Variants in SRCIN1 observed in about 807,000 individuals in gnomAD.
The protein encoded by SRCIN1 is P130Cas-associated protein.
SRCIN1 carries 50 observed loss-of-function variants against 116.2 expected under a neutral mutation model. The ratio of observed to expected loss-of-function variants is 0.43; its 90% confidence interval spans 0.34 to 0.54. SRCIN1 has a LOEUF of 0.54. Among genes scored for constraint, SRCIN1 ranks in the 20% least tolerant of loss-of-function variants. SRCIN1 has a pLI of 0.02. For synonymous variants in SRCIN1, 736 were observed against 750.0 expected, an observed-to-expected ratio of 0.98 and a Z score of 0.30; for missense variants, 1,446 against 1,672.0, an observed-to-expected ratio of 0.86 and a Z score of 2.36.
intron 14 of SRCIN1, 75 bp from the exon 15 acceptor site, chr17:38,551,464 C>G (rs933756574): frequency 3.9e-6 from 5 of 1,273,144 alleles, no homozygotes; most frequent in African/African-American, 1.5e-5. Flanking sequence ...GCCTCCTCCC[C>G]CAAGCCACGT....
intron 17 of SRCIN1, among the ~76,000 whole-genome samples, chr17:38,545,948 A>G (rs1345818801): frequency 6.6e-6 from 1 of 152,236 alleles, no homozygotes; most frequent in Non-Finnish European, 1.5e-5. Flanking sequence ...ATCTCAAACC[A>G]GAGACTTCTG....
intron 1 of SRCIN1, among the ~76,000 whole-genome samples, chr17:38,595,582 G>T (rs1351685716): frequency 3.9e-5 from 6 of 152,166 alleles, no homozygotes; most frequent in African/African-American, 1.4e-4. Context: ...TAAATGAAAC[G>T]AGATCACAAG....
chr17:38,554,330 G>A (rs1445829053), intron 11 of SRCIN1, among the ~76,000 whole-genome samples: 1 of 152,168 alleles, frequency 6.6e-6, no homozygotes, highest in Non-Finnish European at 1.5e-5. Flanking sequence ...TGTTTTCCGT[G>A]CTGCTGTAAC....
intron 2 of SRCIN1, among the ~76,000 whole-genome samples, chr17:38,577,189 G>C (rs1907469706): frequency 6.6e-6 from 1 of 152,146 alleles, no homozygotes; most frequent in South Asian, 2.1e-4. Context: ...GCCTGCCTAT[G>C]ATCTTCCCTC....
Position 38,548,852 on chromosome 17 carries a change from A to G in SRCIN1, c.3118-143T>C, listed in dbSNP as rs1317050472. ...CCCCTGCCAGGGTGTCCCTCAACAG[A>G]CAGGGGCCTGGCATGGAATTAAGGC... On this transcript the variant is annotated intron_variant, in intron 16 of 18. Coordinates refer to ENST00000617146, the MANE Select transcript of SRCIN1 (RefSeq NM_025248.3). 2.3e-6 allele frequency: 3 copies of G among 1,318,734 alleles called. No homozygotes were observed. In the African/African-American group the frequency reaches 4.5e-5, roughly 20 times the overall value. The allele number at this position is 1,318,734 out of a possible 1,614,324, so 81.7% of individuals were successfully genotyped here.
intron 10 of SRCIN1, 32 bp downstream of exon 10, chr17:38,559,553 T>C (rs777757928): frequency 1.9e-6 from 3 of 1,586,358 alleles, no homozygotes; most frequent in Non-Finnish European, 2.6e-6. Context: ...TAGGTGGGCG[T>C]TGGTGGGGCG....
intron 2 of SRCIN1, among the ~76,000 whole-genome samples, chr17:38,570,030 G>A (rs1906974334): frequency 6.6e-6 from 1 of 152,118 alleles, no homozygotes; most frequent in South Asian, 2.1e-4. Context: ...CCAGGCACGG[G>A]CGGCGCACAC....
intron 11 of SRCIN1, among the ~76,000 whole-genome samples, chr17:38,557,533 C>T (rs889580290): frequency 3.3e-5 from 5 of 152,252 alleles, no homozygotes; most frequent in African/African-American, 1.2e-4. Context: ...TGGGTGCTCA[C>T]TCCCTGAATG....
chr17:38,578,885 C>G (rs1907612102), intron 1 of SRCIN1, 94 bp from the exon 2 acceptor site: 1 of 1,393,222 alleles, frequency 7.2e-7, no homozygotes, highest in South Asian at 1.5e-5. Flanking sequence ...GGGGCGGGGC[C>G]TGGGCCTAAG....
intron 11 of SRCIN1, among the ~76,000 whole-genome samples, chr17:38,554,422 A>G (rs756474539): frequency 6.6e-6 from 1 of 151,904 alleles, no homozygotes; most frequent in Non-Finnish European, 1.5e-5. Context: ...GGCTCTTTAT[A>G]ATGCTGTTTT....
At position 38,568,270 on chromosome 17, in the gene SRCIN1, G is replaced by A; in HGVS notation, c.325-39C>T. On this transcript the variant is annotated intron_variant, in intron 2 of 18. Transcript: ENST00000617146. This position sits in a 1 kb window ranked among gnomAD's most constrained non-coding sequence, Gnocchi z 4.5. ...TAAGAGAAGAGATGGTTATGAGGGG[G>A]CCCAGGAGGGGAAAAGAGGGGCAGG... is the stretch of plus-strand genomic sequence containing the variant. 6.2e-7 allele frequency: 1 copy of A among 1,608,116 alleles called. No homozygotes were observed. The highest frequency in any genetic ancestry group is 8.5e-7 in the Non-Finnish European group (1 of 1,176,944).
At chr17:38,581,221 A>G (rs986370569) in intron 1 of SRCIN1, among the ~76,000 whole-genome samples, 2 of 152,268 alleles carry the variant, frequency 1.3e-5, no homozygotes, top group African/African-American at 4.8e-5. Flanking sequence ...CCTGACCAAC[A>G]TAGTGAAACC....
rs73982819 is a variant in SRCIN1, at chr17:38,533,149, C to T, written c.*148G>A. On this transcript the variant is annotated 3_prime_UTR_variant, in exon 19 of 19. Coordinates refer to ENST00000617146, the MANE Select transcript of SRCIN1 (RefSeq NM_025248.3). ...ACACCAACAGATGATGGGTAGGGGT[C>T]GCTGAGGAGGGCCGCACCCTCCTCT... is the stretch of plus-strand genomic sequence containing the variant. 2.1e-4 allele frequency: 154 copies of T among 717,240 alleles called. 2 individuals carry two copies. Among genetic ancestry groups the T allele is most frequent in the Admixed American group, 2.7e-4 (6 of 22,466 alleles). 44.4% of individuals were successfully genotyped at this position (717,240 alleles called of 1,614,324 possible). A position where few individuals can be genotyped will look rare whatever the true frequency, so the allele number is the denominator to read the frequency against.
At chr17:38,545,446 G>C (rs1158976034) in intron 17 of SRCIN1, 2 of 152,846 alleles carry the variant, frequency 1.3e-5, no homozygotes, top group Non-Finnish European at 2.9e-5. Context: ...GAAGGCCCTG[G>C]GACCTGGGGC....
intron 1 of SRCIN1, among the ~76,000 whole-genome samples, chr17:38,597,317 G>A (rs1393734881): frequency 6.6e-6 from 1 of 152,230 alleles, no homozygotes; most frequent in African/African-American, 2.4e-5. Context: ...CTAAGTGGCA[G>A]CTCCAGGGGC....
At chr17:38,537,616 C>T (rs561164569) in intron 18 of SRCIN1, among the ~76,000 whole-genome samples, 1 of 151,686 alleles carries the variant, frequency 6.6e-6, no homozygotes, top group Admixed American at 6.6e-5. Context: ...AGGGTGAAAC[C>T]CTGTCTCTAC....
At position 38,531,102 on chromosome 17, in the gene SRCIN1, C is replaced by CA. The variant is rs1272481160; in HGVS notation, c.*2194dup. 2 of 152,674 alleles carry CA rather than the reference C, an allele frequency of 1.3e-5. No individual in the cohort carries two copies. The highest frequency in any genetic ancestry group is 2.4e-5 in the African/African-American group (1 of 41,466). 9.5% of individuals were successfully genotyped at this position (152,674 alleles called of 1,614,324 possible). A position where few individuals can be genotyped will look rare whatever the true frequency, so the allele number is the denominator to read the frequency against. On this transcript the variant is annotated 3_prime_UTR_variant, in exon 19 of 19. Coordinates refer to ENST00000617146, the MANE Select transcript of SRCIN1 (RefSeq NM_025248.3). ...CTTCGTGGATGGACACTGCCCCCCC[C>CA]ACCTCCCCCACAAAGGGACATTCAA...
rs549635894 is a variant in SRCIN1 at position 38,598,049 on chromosome 17, G to A, written c.22+7635C>T. Reference sequence around the variant, plus strand: ...GGAAGCCCCGCACAAGCCCCTTCACGTTTTACCAACCAGAAGTTCCCATAG... The same window carrying A: ...GGAAGCCCCGCACAAGCCCCTTCACATTTTACCAACCAGAAGTTCCCATAG... On this transcript the variant is annotated intron_variant, in intron 1 of 18. Coordinates refer to ENST00000617146, the MANE Select transcript of SRCIN1 (RefSeq NM_025248.3). Among the ~76,000 whole-genome samples the A allele has an allele frequency of 4.1e-4, 63 of 152,204 alleles. 1 individual carries two copies. The highest frequency in any genetic ancestry group is 1.2e-3 in the South Asian group (6 of 4,828).
chr17:38,571,577 C>T (rs1041605820), intron 2 of SRCIN1, among the ~76,000 whole-genome samples: 1 of 152,150 alleles, frequency 6.6e-6, no homozygotes, highest in African/African-American at 2.4e-5. Flanking sequence ...AAAGCTGTCT[C>T]CCTCCCCCAT....
Sources: gnomAD v4.1 joint callset for allele counts (sites outside exome capture counted in the v4.1 genomes callset) on GRCh38, gnomAD v4.1.1 for gene constraint, Gnocchi (gnomAD v3.1) non-coding constraint, MANE v1.5 for transcripts, NCBI Gene and HGNC (gene_info 2026-07-23, HGNC 2026-07-21) for gene names.